The following NUP133 variants were observed in gnomAD, a reference collection of about 807,000 sequenced individuals.
The protein encoded by NUP133 is nuclear pore complex protein Nup133.
A neutral mutation model predicts 146.2 loss-of-function variants in NUP133; 66 were observed. The observed-to-expected ratio is 0.45, with a 90% CI of 0.37 to 0.55. NUP133 has a LOEUF of 0.55. Ranked by LOEUF, NUP133 falls within the 20% of genes least tolerant of loss-of-function variation. NUP133 has a pLI of 0.00. For synonymous variants in NUP133, 521 were observed against 498.8 expected (o/e 1.04, Z -0.59); for missense variants, 1,277 against 1,374.8 (o/e 0.93, Z 1.12).
At chr1:229,460,910 A>C (rs1660677844) in intron 19 of NUP133, 141 bp from the exon 20 acceptor site, 1 of 663,046 alleles carries the variant, frequency 1.5e-6, no homozygotes, top group Non-Finnish European at 2.5e-6. Flanking sequence ...AGGATCACTT[A>C]ATTCAATCAT....
At position 229,508,334 on chromosome 1, in the gene NUP133, G is replaced by C. The variant is rs1041164505; in HGVS notation, c.-85C>G. The C allele has an allele frequency of 3.0e-6, 3 of 1,015,500 alleles. No homozygotes were observed. The highest frequency in any genetic ancestry group is 3.4e-5 in the African/African-American group (2 of 58,992). The allele number at this position is 1,015,500 out of a possible 1,614,324, so 62.9% of individuals were successfully genotyped here. The stretch of plus-strand genomic sequence containing the variant: ...CTGCGCGCGGAACTTAAACACCTAA[G>C]GGAAGAGATGGCGCGCGATGATGAC... On this transcript the variant is annotated 5_prime_UTR_variant, in exon 1 of 26. Transcript: ENST00000261396.
At chr1:229,484,489 C>G (rs564801290) in intron 11 of NUP133, among the ~76,000 whole-genome samples, 29 of 152,242 alleles carry the variant, frequency 1.9e-4, no homozygotes, top group Admixed American at 9.8e-4. Flanking sequence ...TGGTCCATAC[C>G]AATTATTCAT....
At chr1:229,506,015 AG>A (rs911727648) in intron 2 of NUP133, 24 bp downstream of exon 2, 8 of 1,316,422 alleles carry the variant, frequency 6.1e-6, no homozygotes, top group Non-Finnish European at 8.8e-6. Context: ...CTGCTAATAT[AG>A]GTAAATGGAA....
intron 21 of NUP133, among the ~76,000 whole-genome samples, chr1:229,456,350 T>TTTA (rs1228011222): frequency 6.6e-6 from 1 of 152,208 alleles, no homozygotes; most frequent in Non-Finnish European, 1.5e-5. Flanking sequence ...TGTTTTCACA[T>TTTA]TTATTAGTTG....
chr1:229,483,882 A>G (rs1032225974), intron 12 of NUP133, among the ~76,000 whole-genome samples, 172 bp downstream of exon 12: 3 of 152,076 alleles, frequency 2.0e-5, no homozygotes, highest in Non-Finnish European at 2.9e-5. Context: ...GAACCCTCCC[A>G]TGGCTACTAA....
chr1:229,506,653 T>C (rs899323893), intron 1 of NUP133, among the ~76,000 whole-genome samples: 1 of 151,886 alleles, frequency 6.6e-6, no homozygotes, highest in African/African-American at 2.4e-5. Context: ...ATGTCTATAA[T>C]CTCAGCACTT....
At chr1:229,472,229 G>A (rs1411116475) in intron 14 of NUP133, among the ~76,000 whole-genome samples, 1 of 149,990 alleles carries the variant, frequency 6.7e-6, no homozygotes, top group African/African-American at 2.5e-5. Context: ...TGAGGCAGGA[G>A]AATGGCATGA....
intron 24 of NUP133, among the ~76,000 whole-genome samples, chr1:229,446,662 A>G (rs891565629): frequency 3.9e-5 from 6 of 152,002 alleles, no homozygotes; most frequent in Non-Finnish European, 8.8e-5. Flanking sequence ...TGAACCCGAG[A>G]GGTGGAGCTT....
chr1:229,504,669 G>C (rs1016102757), intron 2 of NUP133, among the ~76,000 whole-genome samples: 2 of 152,194 alleles, frequency 1.3e-5, no homozygotes, highest in South Asian at 4.1e-4. Context: ...GCCAGTTTTG[G>C]GGTTTCACGG....
intron 6 of NUP133, among the ~76,000 whole-genome samples, chr1:229,497,336 C>A (rs551687826): frequency 1.3e-5 from 2 of 152,060 alleles, no homozygotes; most frequent in Non-Finnish European, 2.9e-5. Context: ...GTGCTCTTAA[C>A]AAAAACAGGT....
In NUP133 at chr1:229,464,791, C is replaced by T; in HGVS notation, c.2384G>A (p.Ser795Asn). 6.2e-7 allele frequency: 1 copy of T among 1,614,234 alleles called. No individual in the cohort carries two copies. Among genetic ancestry groups the T allele is most frequent in the Non-Finnish European group, 8.5e-7 (1 of 1,180,050 alleles). The change falls in exon 18 of 26, where the codon AGC becomes AAC. Residue 795 changes from serine to asparagine, a missense_variant. Physicochemically the swap from Ser to Asn is conservative, Grantham distance 46. This residue lies in a region of NUP133 where 952 missense variants were observed against 1,047.0 expected (regional missense o/e 0.91). Coordinates refer to ENST00000261396, the MANE Select transcript of NUP133 (RefSeq NM_018230.3). ...CTCGGTCACGATGTTTCGGAGGTTG[C>T]TGTCTGCCTGTGGATAAGCCACCTT... is the stretch of plus-strand genomic sequence containing the variant. Reference protein sequence around the residue: ...VLKVAYPQADSNLRNIVTEQL... With the variant: ...VLKVAYPQADNNLRNIVTEQL...
chr1:229,492,615 G>A (rs1661555574), intron 8 of NUP133, among the ~76,000 whole-genome samples: 1 of 151,902 alleles, frequency 6.6e-6, no homozygotes, highest in South Asian at 2.1e-4. Flanking sequence ...ACTCTTGAAA[G>A]GAATTCAAGA....
intron 2 of NUP133, among the ~76,000 whole-genome samples, chr1:229,505,438 G>A (rs1287866292): frequency 6.6e-6 from 1 of 151,786 alleles, no homozygotes; most frequent in East Asian, 1.9e-4. Context: ...TGGGGATCCT[G>A]GAAGATATCC....
Position 229,486,584 on chromosome 1 carries a change from G to T in NUP133, c.1343-56C>A. 2.0e-6 allele frequency: 3 copies of T among 1,513,976 alleles called. No individual in the cohort carries two copies. In the South Asian group the frequency reaches 3.7e-5, roughly 19 times the overall value. The allele number at this position is 1,513,976 out of a possible 1,614,324, so 93.8% of individuals were successfully genotyped here. ...TCTAACAATAACAACAAAATGCTAT[G>T]TAAAAGCTACCACCCTAAGCAGAAA... On this transcript the variant is annotated intron_variant, in intron 10 of 25. Coordinates refer to ENST00000261396, the MANE Select transcript of NUP133 (RefSeq NM_018230.3).
At chr1:229,461,872 T>A (rs1227425939) in intron 19 of NUP133, among the ~76,000 whole-genome samples, 2 of 151,634 alleles carry the variant, frequency 1.3e-5, no homozygotes, top group Non-Finnish European at 2.9e-5. Context: ...AAATAAGCCA[T>A]GTCCAACTAC....
At position 229,487,076 on chromosome 1, in the gene NUP133, T is replaced by C. The variant is rs547631917; in HGVS notation, c.1342+390A>G. 5.9e-5 allele frequency among the ~76,000 whole-genome samples: 9 copies of C among 152,092 alleles called. No individual in the cohort carries two copies. In the East Asian group the frequency reaches 1.7e-3, roughly 29 times the overall value. ...AGCTAAGTATCTGCTTGGTTCTTCT[T>C]CAATCCTGACCAGCCCCCCTGCATA... On this transcript the variant is annotated intron_variant, in intron 10 of 25. Transcript: ENST00000261396.
chr1:229,503,653 C>G (rs1192923126), intron 2 of NUP133, among the ~76,000 whole-genome samples: 4 of 152,166 alleles, frequency 2.6e-5, no homozygotes, highest in Admixed American at 6.5e-5. Context: ...AATATCAAAC[C>G]AAGCCCAGGC....
At chr1:229,506,449 G>GTT (rs35852954) in intron 1 of NUP133, among the ~76,000 whole-genome samples, 23,491 of 107,176 alleles carry the variant, frequency 0.22, 2,336 homozygotes, top group Middle Eastern at 0.34. Flanking sequence ...CTAGACCAGT[G>GTT]TTTTTTTTTT....
rs1660295995 is a variant in NUP133 at position 229,446,137 on chromosome 1, T to C, written c.3246-1135A>G. The stretch of plus-strand genomic sequence containing the variant: ...AGAAAGTAGTACTTGCCAGGCGCGG[T>C]GGCTCATGTCTGTAATCCCAGCACT... On this transcript the variant is annotated intron_variant, in intron 24 of 25. Transcript: ENST00000261396. 2.0e-5 allele frequency among the ~76,000 whole-genome samples: 3 copies of C among 152,148 alleles called. 1 individual carries two copies. The South Asian group carries it at 6.2e-4, about 32-fold the overall frequency.
Sources: gnomAD v4.1 joint callset for allele counts (sites outside exome capture counted in the v4.1 genomes callset) on GRCh38, gnomAD v4.1.1 for gene constraint, gnomAD v4.1.1 regional missense constraint, MANE v1.5 for transcripts, NCBI Gene and HGNC (gene_info 2026-07-23, HGNC 2026-07-21) for gene names.